The following ANKRD17 variants were observed in gnomAD, a reference collection of about 807,000 sequenced individuals.
The protein encoded by ANKRD17 is ankyrin repeat domain 17.
ANKRD17 carries 19 observed loss-of-function variants against 229.7 expected under a neutral mutation model. The ratio of observed to expected loss-of-function variants is 0.08; its 90% CI spans 0.06 to 0.12. ANKRD17 has a LOEUF of 0.12. ANKRD17 is among the 10% of genes least tolerant of loss of function. The probability of loss-of-function intolerance (pLI) is 1.00; values close to 1 mark genes in which losing one functional copy is unlikely to be tolerated. For synonymous variants in ANKRD17, 1,112 were observed against 1,146.1 expected (o/e 0.97, Z 0.60); for missense variants, 2,176 against 3,176.8 (o/e 0.68, Z 7.57).
chr4:73,105,153 C>T (rs925457243), intron 24 of ANKRD17, among the ~76,000 whole-genome samples: 24 of 152,192 alleles, frequency 1.6e-4, no homozygotes, highest in African/African-American at 5.8e-4. Context: ...CAAGTTATGG[C>T]TACAAAATGA....
At chr4:73,104,058 A>T (rs1443655558) in intron 24 of ANKRD17, 2 of 152,108 alleles carry the variant, frequency 1.3e-5, no homozygotes, top group Non-Finnish European at 2.9e-5. Context: ...GTGAAGGAAA[A>T]CCTGTAGGTA....
intron 1 of ANKRD17, among the ~76,000 whole-genome samples, chr4:73,250,372 G>A (rs888040194): frequency 1.3e-5 from 2 of 151,768 alleles, no homozygotes; most frequent in African/African-American, 4.8e-5. Flanking sequence ...GGGCCAAGGC[G>A]GGCGGATCAC....
At chr4:73,181,746 G>A (rs1320356011) in intron 1 of ANKRD17, among the ~76,000 whole-genome samples, 1 of 151,884 alleles carries the variant, frequency 6.6e-6, no homozygotes, top group Non-Finnish European at 1.5e-5. Flanking sequence ...GTCCAAATAA[G>A]AAATTAAAAT....
intron 23 of ANKRD17, among the ~76,000 whole-genome samples, chr4:73,115,104 T>C (rs1725784881): frequency 6.6e-6 from 1 of 152,192 alleles, no homozygotes; most frequent in Non-Finnish European, 1.5e-5. Flanking sequence ...GACTTCTTGC[T>C]CATGATTAAA....
intron 1 of ANKRD17, among the ~76,000 whole-genome samples, chr4:73,179,596 T>A (rs1269110375): frequency 2.1e-5 from 3 of 145,894 alleles, no homozygotes; most frequent in Non-Finnish European, 4.5e-5. Flanking sequence ...TGGGATCAAG[T>A]AATCCTCCTG....
rs1246984907 is a variant in ANKRD17 at position 73,179,484 on chromosome 4, GTGTGTATA to G, written c.394-1959_394-1952del. Among the ~76,000 whole-genome samples the G allele has an allele frequency of 6.1e-5, 4 of 65,684 alleles. No individual in the cohort carries two copies. The South Asian group carries it at 1.6e-3, about 26-fold the overall frequency. The allele number at this position is 65,684 out of a possible 152,430, so 43.1% of individuals were successfully genotyped here. On this transcript the variant is annotated intron_variant, in intron 1 of 33. Transcript: ENST00000358602. ...TGTATATATGTGTGTGTGTGTGTGTGTGTGTATATATATATATATATATATATATATAT... is the reference window on the plus strand; with the variant it reads ...TGTATATATGTGTGTGTGTGTGTGTGTATATATATATATATATATATATAT...
At chr4:73,099,091 GGAGAAGGAGGAA>G in intron 25 of ANKRD17, 1 of 853,598 alleles carries the variant, frequency 1.2e-6, no homozygotes, top group Non-Finnish European at 2.0e-6. Flanking sequence ...CCAAAAAACT[GGAGAAGGAGGAA>G]GAGGAGGGCA....
chr4:73,124,784 A>G (rs1351346880), intron 18 of ANKRD17, 129 bp downstream of exon 18: 3 of 1,165,234 alleles, frequency 2.6e-6, no homozygotes, highest in Non-Finnish European at 3.6e-6. Context: ...TTGTTAATAG[A>G]TAATAGTTTC....
chr4:73,094,107 T>C lies in ANKRD17; in HGVS notation c.5299A>G (p.Lys1767Glu), dbSNP rs766370261. The C allele has an allele frequency of 6.2e-7, 1 of 1,613,668 alleles. No homozygotes were observed. Among genetic ancestry groups the C allele is most frequent in the Non-Finnish European group, 8.5e-7 (1 of 1,179,824 alleles). ...AHIDIDKQKD[K>E]TGDRIITIRG... is the part of the protein sequence containing the mutation. ...ATAGTGATTATCCGGTCTCCAGTCT[T>C]GTCTTTCTGTTTATCAATATCTATG... The change falls in exon 28 of 34, where the codon AAG (lysine) becomes GAG (glutamate). Residue 1767 changes from lysine (K) to glutamate (E), a missense_variant. Transcript: ENST00000358602.
chr4:73,258,604 G>A lies in ANKRD17; in HGVS notation c.65C>T (p.Ala22Val), dbSNP rs1248888504. 7 of 1,476,650 alleles carry A rather than the reference G, an allele frequency of 4.7e-6. No individual in the cohort carries two copies. Among genetic ancestry groups the A allele is most frequent in the Non-Finnish European group, 5.3e-6 (6 of 1,123,954 alleles). 91.5% of individuals were successfully genotyped at this position (1,476,650 alleles called of 1,614,324 possible). The change falls in exon 1 of 34, where the codon GCG becomes GTG. Residue 22 changes from alanine (A) to valine (V), a missense_variant. Ala to Val is a moderately conservative substitution (Grantham distance 64). Around this residue, in one of 18 missense-constraint regions of ANKRD17, gnomAD observed 196 missense variants for 190.0 expected, o/e 1.03. Transcript: ENST00000358602. The stretch of plus-strand genomic sequence containing the variant: ...GGGGGGGCCCGCCACAGCCGCCACC[G>A]CCGGGGGGCTCCCTTCTCCTTCTGC... ...TAAEGEGSPP[A>V]VAAVAGPPAA...
chr4:73,143,331 T>C (rs1378196059), intron 11 of ANKRD17, among the ~76,000 whole-genome samples: 1 of 152,186 alleles, frequency 6.6e-6, no homozygotes, highest in East Asian at 1.9e-4. Context: ...TTGCCATGCA[T>C]GTTACCTAGG....
intron 1 of ANKRD17, among the ~76,000 whole-genome samples, chr4:73,239,807 T>C (rs1449116011): frequency 2.0e-5 from 3 of 152,162 alleles, no homozygotes; most frequent in Non-Finnish European, 2.9e-5. Flanking sequence ...AAAGAAAACA[T>C]TACTCACAGT....
chr4:73,208,490 T>C (rs1457755541), intron 1 of ANKRD17, among the ~76,000 whole-genome samples: 2 of 152,112 alleles, frequency 1.3e-5, no homozygotes, highest in African/African-American at 4.8e-5. Flanking sequence ...CCCAAAAGGG[T>C]TCCTTATATG....
rs1241256601 is a variant in ANKRD17, at chr4:73,173,802, A to T, written c.547+3578T>A. Among the ~76,000 whole-genome samples, 3 of 152,154 alleles carry T rather than the reference A, an allele frequency of 2.0e-5. No individual in the cohort carries two copies. The East Asian group carries it at 5.8e-4, about 29-fold the overall frequency. On this transcript the variant is annotated intron_variant, in intron 2 of 33. Transcript: ENST00000358602. ...CAGCAGTGGGAAGAGCCTTGTAAGC[A>T]CACCCAGTCTCCAGCTCGAGCCCAG...
intron 1 of ANKRD17, among the ~76,000 whole-genome samples, chr4:73,251,427 G>C (rs1231026854): frequency 6.6e-6 from 1 of 152,160 alleles, no homozygotes; most frequent in Non-Finnish European, 1.5e-5. Flanking sequence ...TTCTGGGTAA[G>C]AAGTGGATGG....
intron 11 of ANKRD17, among the ~76,000 whole-genome samples, chr4:73,143,441 T>C (rs1420198025): frequency 6.6e-6 from 1 of 152,152 alleles, no homozygotes; most frequent in Non-Finnish European, 1.5e-5. Flanking sequence ...CTATCCCTAA[T>C]TTGGATTACT....
intron 15 of ANKRD17, among the ~76,000 whole-genome samples, chr4:73,135,794 A>G (rs1208225708): frequency 6.6e-6 from 1 of 152,178 alleles, no homozygotes; most frequent in African/African-American, 2.4e-5. Context: ...ATATAGTAAT[A>G]TTCTGCATTG....
At chr4:73,094,362 ACT>A (rs1723078684) in intron 27 of ANKRD17, 134 bp from the exon 28 acceptor site, 1 of 784,178 alleles carries the variant, frequency 1.3e-6, no homozygotes, top group Non-Finnish European at 2.0e-6. Flanking sequence ...TCTTCTATTT[ACT>A]CTTACTCTAG....
Position 73,157,152 on chromosome 4 carries a change from T to G in ANKRD17, c.705-986A>C, listed in dbSNP as rs548125073. Among the ~76,000 whole-genome samples the G allele has an allele frequency of 3.2e-4, 49 of 152,236 alleles. No individual in the cohort carries two copies. In the South Asian group the frequency reaches 8.7e-3, roughly 27 times the overall value. ...TCTTTTGTTCGGTCAGTAGAAAATTTTTTATAAAATTTAATTAAAAAGTAT... is the reference window on the plus strand; with the variant it reads ...TCTTTTGTTCGGTCAGTAGAAAATTGTTTATAAAATTTAATTAAAAAGTAT... On this transcript the variant is annotated intron_variant, in intron 3 of 33. Transcript: ENST00000358602.
Sources: gnomAD v4.1 joint callset for allele counts (sites outside exome capture counted in the v4.1 genomes callset) on GRCh38, gnomAD v4.1.1 for gene constraint, gnomAD v4.1.1 regional missense constraint, MANE v1.5 for transcripts, NCBI Gene and HGNC (gene_info 2026-07-23, HGNC 2026-07-21) for gene names.